SHC4: variants seen among roughly 807,000 people sequenced by gnomAD.
The protein encoded by SHC4 is SHC adaptor protein 4, also known as SHC-transforming protein 4.
SHC4 carries 41 observed loss-of-function variants against 69.4 expected under a neutral mutation model. The observed-to-expected ratio is 0.59, with a 90% CI of 0.46 to 0.77. The LOEUF (loss-of-function observed/expected upper bound fraction) is 0.77, where lower values mean the gene tolerates loss of function less well. Ranked by LOEUF, SHC4 falls within the 30% of genes least tolerant of loss-of-function variation. SHC4 has a pLI of 0.00. For missense variants in SHC4, 777 were observed against 783.8 expected, an observed-to-expected ratio of 0.99 and a Z score of 0.10; for synonymous variants, 318 against 299.3, an observed-to-expected ratio of 1.06 and a Z score of -0.64.
intron 1 of SHC4, among the ~76,000 whole-genome samples, chr15:48,941,757 G>T (rs572749742): frequency 2.0e-5 from 3 of 152,104 alleles, no homozygotes; most frequent in African/African-American, 7.2e-5. Flanking sequence ...TCTTCTTTTG[G>T]TGTTAATTTA....
chr15:48,916,585 G>C (rs1371712764), intron 2 of SHC4, among the ~76,000 whole-genome samples: 1 of 151,254 alleles, frequency 6.6e-6, no homozygotes, highest in Non-Finnish European at 1.5e-5. Context: ...CACTACTCAG[G>C]GTTTCTTCCT....
chr15:48,948,167 T>C (rs1455603204), intron 1 of SHC4: 2 of 152,196 alleles, frequency 1.3e-5, no homozygotes, highest in African/African-American at 4.8e-5. Flanking sequence ...TCTCTATATA[T>C]CATTTTCCCT....
intron 2 of SHC4, among the ~76,000 whole-genome samples, chr15:48,894,248 A>G (rs1443715885): frequency 1.3e-5 from 2 of 152,174 alleles, no homozygotes; most frequent in South Asian, 4.1e-4. Context: ...GAGCTTGTAA[A>G]CTATGGCTTG....
intron 2 of SHC4, among the ~76,000 whole-genome samples, chr15:48,914,369 G>C (rs190385821): frequency 1.6e-3 from 237 of 152,282 alleles, no homozygotes; most frequent in African/African-American, 5.5e-3. Flanking sequence ...TTACCTCTCT[G>C]AGCCTCAACT....
At chr15:48,925,336 T>C (rs1032728854) in intron 1 of SHC4, among the ~76,000 whole-genome samples, 1 of 152,212 alleles carries the variant, frequency 6.6e-6, no homozygotes, top group South Asian at 2.1e-4. Flanking sequence ...AAAATGGGGA[T>C]ACAATAGGAA....
intron 3 of SHC4, among the ~76,000 whole-genome samples, chr15:48,889,838 C>T (rs138119229): frequency 2.4e-3 from 362 of 152,214 alleles, no homozygotes; most frequent in African/African-American, 8.6e-3. Flanking sequence ...AGCGAGACTC[C>T]GTCTCAAAAA....
intron 2 of SHC4, among the ~76,000 whole-genome samples, chr15:48,915,625 G>A (rs1900605176): frequency 6.6e-6 from 1 of 152,152 alleles, no homozygotes; most frequent in African/African-American, 2.4e-5. Flanking sequence ...ATGTTTTATT[G>A]CATGGTTTAT....
At chr15:48,835,797 C>A (rs1172592297) in intron 10 of SHC4, among the ~76,000 whole-genome samples, 2 of 152,120 alleles carry the variant, frequency 1.3e-5, no homozygotes, top group Non-Finnish European at 2.9e-5. Flanking sequence ...GCGTAGTTCT[C>A]ATTTATCAAG....
chr15:48,922,051 A>C (rs1208889115), intron 2 of SHC4, among the ~76,000 whole-genome samples: 1 of 152,234 alleles, frequency 6.6e-6, no homozygotes, highest in Non-Finnish European at 1.5e-5. Context: ...AACATGCAAT[A>C]TTTTATAACT....
intron 1 of SHC4, among the ~76,000 whole-genome samples, chr15:48,957,759 T>G (rs1231263051): frequency 6.6e-6 from 1 of 152,196 alleles, no homozygotes; most frequent in Non-Finnish European, 1.5e-5. Context: ...TCTTTGGAAA[T>G]AGGGTCTTTG....
chr15:48,827,547 T>C (rs937206604), intron 11 of SHC4, among the ~76,000 whole-genome samples: 1 of 151,718 alleles, frequency 6.6e-6, no homozygotes, highest in Non-Finnish European at 1.5e-5. Context: ...CTTCTTTGTA[T>C]TTCTTCTGCC....
intron 2 of SHC4, among the ~76,000 whole-genome samples, chr15:48,919,592 C>T (rs1054842161): frequency 2.0e-5 from 3 of 151,628 alleles, no homozygotes; most frequent in African/African-American, 7.3e-5. Flanking sequence ...CCTGACCTCT[C>T]TCACATTTTT....
intron 1 of SHC4, among the ~76,000 whole-genome samples, chr15:48,942,843 T>C (rs1449564148): frequency 1.3e-5 from 2 of 152,222 alleles, no homozygotes; most frequent in Non-Finnish European, 2.9e-5. Flanking sequence ...AGTCACTGAC[T>C]ACACACCAAA....
chr15:48,950,323 G>A (rs752667680), intron 1 of SHC4, among the ~76,000 whole-genome samples: 17 of 150,154 alleles, frequency 1.1e-4, no homozygotes, highest in Admixed American at 2.0e-4. Context: ...CGATCATTAG[G>A]GACCATCTCA....
chr15:48,859,531 T>C (rs180802817), intron 6 of SHC4, among the ~76,000 whole-genome samples: 46 of 152,332 alleles, frequency 3.0e-4, no homozygotes, highest in African/African-American at 1.1e-3. Flanking sequence ...ATTTGGTCTA[T>C]CTTTACACTG....
At chr15:48,861,565 C>T (rs1027298136) in intron 6 of SHC4, among the ~76,000 whole-genome samples, 4 of 152,112 alleles carry the variant, frequency 2.6e-5, no homozygotes, top group Middle Eastern at 3.2e-3. Context: ...AAGAATTGCC[C>T]AATTTTCAGC....
In SHC4 at chr15:48,962,658, G is replaced by C. The variant is rs1901564024; in HGVS notation, c.358C>G (p.Gln120Glu). 1 of 1,614,068 alleles carries C rather than the reference G, an allele frequency of 6.2e-7. No individual in the cohort carries two copies. The highest frequency in any genetic ancestry group is 1.3e-5 in the African/African-American group (1 of 74,930). ...GTKEVPRLKL[Q>E]ESRDPGSSGP... Reference sequence around the variant, plus strand: ...CTGGAACCTGGGTCCCGGCTTTCCTGGAGCTTCAGCCGAGGCACCTCTTTG... The same window carrying C: ...CTGGAACCTGGGTCCCGGCTTTCCTCGAGCTTCAGCCGAGGCACCTCTTTG... The change falls in exon 1 of 12, where the codon CAG becomes GAG. Residue 120 changes from glutamine (Q) to glutamate (E), a missense_variant. By Grantham distance (29) the Gln-to-Glu change is conservative. Coordinates refer to ENST00000332408, the MANE Select transcript of SHC4 (RefSeq NM_203349.4).
chr15:48,931,882 TG>T (rs1000597862), intron 1 of SHC4, among the ~76,000 whole-genome samples: 2 of 151,866 alleles, frequency 1.3e-5, no homozygotes, highest in African/African-American at 2.4e-5. Context: ...ATAAATGTCT[TG>T]TGTTTCTGTT....
chr15:48,877,621 T>C (rs1389537157), intron 4 of SHC4: 1 of 936,630 alleles, frequency 1.1e-6, no homozygotes, highest in African/African-American at 1.8e-5. Flanking sequence ...TGGGACCAAG[T>C]ATTTCTTCAC....
Sources: gnomAD v4.1 joint callset for allele counts (sites outside exome capture counted in the v4.1 genomes callset) on GRCh38, gnomAD v4.1.1 for gene constraint, MANE v1.5 for transcripts, NCBI Gene and HGNC (gene_info 2026-07-23, HGNC 2026-07-21) for gene names.